The following RPL35A variants were observed in gnomAD, a reference collection of about 807,000 sequenced individuals.
RPL35A encodes the protein ribosomal protein L35a, also known as large ribosomal subunit protein eL33.
RPL35A carries 1 observed loss-of-function variant against 16.7 expected under a neutral mutation model. That is an observed-to-expected ratio of 0.06 (90% confidence interval 0.02 to 0.28). The LOEUF is 0.28. Among genes scored for constraint, RPL35A ranks in the 10% least tolerant of loss-of-function variants. RPL35A has a pLI of 1.00. For synonymous variants in RPL35A, 58 were observed against 47.0 expected (o/e 1.23, Z -0.96); for missense variants, 91 against 138.7 (o/e 0.66, Z 1.73).
In RPL35A at chr3:197,955,840, T is replaced by TA. The variant is rs1314608189; in HGVS notation, c.*68dup. On this transcript the variant is annotated 3_prime_UTR_variant, in exon 5 of 5. Coordinates refer to ENST00000647248, the MANE Select transcript of RPL35A (RefSeq NM_000996.4). ...GTATTTTTAAGTGGATTAAAAAACT[T>TA]ACTACCTTAAATTGATTTGCTACAT... is the stretch of plus-strand genomic sequence containing the variant. The TA allele has an allele frequency of 1.1e-5, 14 of 1,298,206 alleles. No individual in the cohort carries two copies. The highest frequency in any genetic ancestry group is 5.8e-5 in the African/African-American group (4 of 68,690). The allele number at this position is 1,298,206 out of a possible 1,614,324, so 80.4% of individuals were successfully genotyped here. A position where few individuals can be genotyped will look rare whatever the true frequency, so the allele number is the denominator to read the frequency against.
chr3:197,952,671 T>C (rs1581102525), intron 3 of RPL35A: 1 of 151,704 alleles, frequency 6.6e-6, no homozygotes, highest in East Asian at 2.0e-4. Flanking sequence ...ATTTTATGTT[T>C]TTAGTAGAAA....
intron 4 of RPL35A, 52 bp downstream of exon 4, chr3:197,954,199 A>G (rs1720351221): frequency 1.2e-6 from 2 of 1,601,240 alleles, no homozygotes; most frequent in Admixed American, 1.7e-5. Flanking sequence ...ACTAGGTTCA[A>G]GGTGTTGTGC....
In RPL35A at chr3:197,956,050, C is replaced by G. The variant is rs927532278; in HGVS notation, c.*277C>G. On this transcript the variant is annotated 3_prime_UTR_variant, in exon 5 of 5. Transcript: ENST00000647248. ...GTGGTGCTCGCTGCAGCCTCACATT[C>G]AAAGGCTCAAGCAATCCTCCCTTGG... 2 of 429,876 alleles carry G rather than the reference C, an allele frequency of 4.7e-6. No individual in the cohort carries two copies. The highest frequency in any genetic ancestry group is 4.0e-5 in the African/African-American group (2 of 49,592). The allele number at this position is 429,876 out of a possible 1,614,324, so 26.6% of individuals were successfully genotyped here.
chr3:197,950,896 T>A (rs369520878), intron 1 of RPL35A, 40 bp from the exon 2 acceptor site: 50 of 1,606,726 alleles, frequency 3.1e-5, no homozygotes, highest in Non-Finnish European at 3.7e-5. Flanking sequence ...GGGAAACTTG[T>A]GTGGCTTGGT....
At position 197,951,418 on chromosome 3, in the gene RPL35A, G is replaced by T. The variant is rs1001037986; in HGVS notation, c.164+107G>T. On this transcript the variant is annotated intron_variant, in intron 3 of 4. Coordinates refer to ENST00000647248, the MANE Select transcript of RPL35A (RefSeq NM_000996.4). ...GCCGAGGCTGGAATGCAGTGACTTG[G>T]TCTCCCTCACCGAAACCTCCGCCTC... 8 of 1,259,386 alleles carry T rather than the reference G, an allele frequency of 6.4e-6. No homozygotes were observed. The African/African-American group carries it at 7.4e-5, about 12-fold the overall frequency. The allele number at this position is 1,259,386 out of a possible 1,614,324, so 78.0% of individuals were successfully genotyped here.
In RPL35A at chr3:197,951,220, A is replaced by G; in HGVS notation, c.73A>G (p.Thr25Ala). Residue 25 changes from threonine (T) to alanine (A), a missense_variant, in exon 3 of 5, where the codon ACA (threonine) becomes GCA (alanine). By Grantham distance (58) the Thr-to-Ala change is moderately conservative. Coordinates refer to ENST00000647248, the MANE Select transcript of RPL35A (RefSeq NM_000996.4). ...GGGTCTCCGGAACCAAAGGGAGCAC[A>G]CAGCTCTTCTTAAAATTGAAGGTGT... ...KRGLRNQREH[T>A]ALLKIEGVYA... 6.2e-7 allele frequency: 1 copy of G among 1,614,252 alleles called. No homozygotes were observed. Among genetic ancestry groups the G allele is most frequent in the East Asian group, 2.2e-5 (1 of 44,896 alleles).
At chr3:197,954,472 C>T (rs1581107140) in intron 4 of RPL35A, 1 of 395,500 alleles carries the variant, frequency 2.5e-6, no homozygotes, top group Non-Finnish European at 4.7e-6. Flanking sequence ...TAGCTGGGAC[C>T]ATAGGCGTGT....
intron 3 of RPL35A, 110 bp downstream of exon 3, chr3:197,951,421 T>G: frequency 8.2e-7 from 1 of 1,226,026 alleles, no homozygotes; most frequent in Non-Finnish European, 1.2e-6. Context: ...TGACTTGGTC[T>G]CCCTCACCGA....
At position 197,954,169 on chromosome 3, in the gene RPL35A, A is replaced by G. The variant is rs1238455846; in HGVS notation, c.309+22A>G. The stretch of plus-strand genomic sequence containing the variant: ...AGTGGTGAGTATGGTTTTTAGCAAA[A>G]TGGACGTCTGATGAATCAGACTAGG... On this transcript the variant is annotated intron_variant, in intron 4 of 4. Coordinates refer to ENST00000647248, the MANE Select transcript of RPL35A (RefSeq NM_000996.4). 1.9e-6 allele frequency: 3 copies of G among 1,613,768 alleles called. No individual in the cohort carries two copies. The South Asian group carries it at 3.3e-5, about 18-fold the overall frequency.
At chr3:197,954,204 T>A in intron 4 of RPL35A, 57 bp downstream of exon 4, 1 of 1,593,234 alleles carries the variant, frequency 6.3e-7, no homozygotes, top group Non-Finnish European at 8.6e-7. Flanking sequence ...GTTCAAGGTG[T>A]TGTGCTTTGA....
intron 1 of RPL35A, chr3:197,950,726 C>T (rs1465912973): frequency 1.7e-6 from 1 of 588,024 alleles, no homozygotes; most frequent in Non-Finnish European, 3.0e-6. Context: ...TGTCTTCATT[C>T]TGAAGTTTGC....
chr3:197,950,956 C>A lies in RPL35A; in HGVS notation c.-12C>A, dbSNP rs61736653. Reference sequence around the variant, plus strand: ...TTAAGGCCTGCTGGGAACGGGACTTCTAAAAGGAACTATGTCTGGAAGGTA... The same window carrying A: ...TTAAGGCCTGCTGGGAACGGGACTTATAAAAGGAACTATGTCTGGAAGGTA... On this transcript the variant is annotated 5_prime_UTR_variant, in exon 2 of 5. Transcript: ENST00000647248. 6.2e-7 allele frequency: 1 copy of A among 1,614,080 alleles called. No homozygotes were observed. Among genetic ancestry groups the A allele is most frequent in the East Asian group, 2.2e-5 (1 of 44,882 alleles).
rs2109805109 is a variant in RPL35A at position 197,951,324 on chromosome 3, C to T, written c.164+13C>T. The T allele has an allele frequency of 1.2e-6, 2 of 1,613,736 alleles. No individual in the cohort carries two copies. Among genetic ancestry groups the T allele is most frequent in the Non-Finnish European group, 1.7e-6 (2 of 1,179,680 alleles). On this transcript the variant is annotated intron_variant, in intron 3 of 4. Coordinates refer to ENST00000647248, the MANE Select transcript of RPL35A (RefSeq NM_000996.4). ...ATAAAGCAAAGAAGTAAGTTTATGA[C>T]ACTGGTAGGTTTTGGGTTTTTGAGA...
chr3:197,950,284 C>T (rs1221944145), intron 1 of RPL35A, 63 bp downstream of exon 1: 4 of 1,230,302 alleles, frequency 3.3e-6, no homozygotes, highest in Admixed American at 8.4e-5. Context: ...TGTTCCTGTG[C>T]CTTGGCGAGT....
Position 197,950,228 on chromosome 3 carries a change from G to T in RPL35A, c.-33+7G>T. 1.6e-6 allele frequency: 2 copies of T among 1,231,232 alleles called. No homozygotes were observed. Among genetic ancestry groups the T allele is most frequent in the East Asian group, 3.2e-5 (1 of 31,694 alleles). 76.3% of individuals were successfully genotyped at this position (1,231,232 alleles called of 1,614,324 possible). On this transcript the variant is annotated splice_region_variant and intron_variant, in intron 1 of 4. Coordinates refer to ENST00000647248, the MANE Select transcript of RPL35A (RefSeq NM_000996.4). ...CATCTTGGCTCCTGTGGAGGTGAGTGAAGGGTCTGCTGCTGAAATTTGGGG... is the reference window on the plus strand; with the variant it reads ...CATCTTGGCTCCTGTGGAGGTGAGTTAAGGGTCTGCTGCTGAAATTTGGGG...
chr3:197,954,734 C>G (rs1720397631), intron 4 of RPL35A, among the ~76,000 whole-genome samples: 1 of 152,156 alleles, frequency 6.6e-6, no homozygotes, highest in South Asian at 2.1e-4. Flanking sequence ...TCTTGAACTC[C>G]TGAGCCCAAG....
intron 3 of RPL35A, 44 bp downstream of exon 3, chr3:197,951,355 C>T (rs1461444163): frequency 6.2e-7 from 1 of 1,600,086 alleles, no homozygotes; most frequent in South Asian, 1.1e-5. Flanking sequence ...TGAGATCTGC[C>T]TCATTTTCTT....
rs113094294 is a variant in RPL35A, at chr3:197,954,119, C to T, written c.281C>T (p.Ala94Val). 5.6e-6 allele frequency: 9 copies of T among 1,614,042 alleles called. No homozygotes were observed. In the East Asian group the frequency reaches 2.0e-4, roughly 36 times the overall value. The stretch of plus-strand genomic sequence containing the variant: ...GCCAAATTCCGAAGCAATCTTCCTG[C>T]TAAGGCCATTGGACACAGAATCCGA... ...VRAKFRSNLP[A>V]KAIGHRIRVM... Residue 94 changes from alanine (A) to valine (V), a missense_variant, in exon 4 of 5, where the codon GCT (alanine) becomes GTT (valine). Ala to Val is a moderately conservative substitution (Grantham distance 64). Coordinates refer to ENST00000647248, the MANE Select transcript of RPL35A (RefSeq NM_000996.4).
chr3:197,952,474 TTTTTC>T, intron 3 of RPL35A: 1 of 151,588 alleles, frequency 6.6e-6, no homozygotes, highest in African/African-American at 2.4e-5. Context: ...CGCCCCTTGT[TTTTTC>T]TTTTCTTTCT....
Sources: gnomAD v4.1 joint callset for allele counts (sites outside exome capture counted in the v4.1 genomes callset) on GRCh38, gnomAD v4.1.1 for gene constraint, MANE v1.5 for transcripts, NCBI Gene and HGNC (gene_info 2026-07-23, HGNC 2026-07-21) for gene names.